WNK3: variants seen among roughly 807,000 people sequenced by gnomAD.
WNK3 encodes the protein serine/threonine-protein kinase WNK3.
WNK3 carries 18 observed loss-of-function variants against 116.7 expected under a neutral mutation model. The ratio of observed to expected loss-of-function variants is 0.15; its 90% CI spans 0.11 to 0.23. The LOEUF (loss-of-function observed/expected upper bound fraction) is 0.23. WNK3 is among the 10% of genes least tolerant of loss of function. The pLI is 1.00. For missense variants in WNK3, 993 were observed against 1,323.8 expected, an observed-to-expected ratio of 0.75 and a Z score of 3.88; for synonymous variants, 404 against 469.4, an observed-to-expected ratio of 0.86 and a Z score of 1.80.
chrX:54,239,312 C>G (rs1257860269), intron 17 of WNK3, among the ~76,000 whole-genome samples: 2 of 110,001 alleles, frequency 1.8e-5, no homozygotes, highest in Non-Finnish European at 3.8e-5. Context: ...ACCCAAAGTA[C>G]TCAATTTATA....
chrX:54,310,990 A>T, intron 3 of WNK3, 129 bp downstream of exon 3: 1 of 453,711 alleles, frequency 2.2e-6, no homozygotes, highest in Non-Finnish European at 3.7e-6. Context: ...TGCTGGGATT[A>T]CAGGTGTAGC....
At position 54,350,189 on chromosome X, in the gene WNK3, C is replaced by T. The variant is rs190734347; in HGVS notation, c.-120+7497G>A. Among the ~76,000 whole-genome samples, 40 of 111,363 alleles carry T rather than the reference C, an allele frequency of 3.6e-4. No individual in the cohort carries two copies. The East Asian group carries it at 9.9e-3, about 28-fold the overall frequency. ...CTTTGGGAGGCTGAGGCAGGCTGAT[C>T]ACGAGGTCAGGAGATCAAGACCATC... On this transcript the variant is annotated intron_variant, in intron 1 of 23. Transcript: ENST00000354646.
chrX:54,226,797 G>A (rs1569535979), intron 22 of WNK3, among the ~76,000 whole-genome samples: 1 of 111,514 alleles, frequency 9.0e-6, no homozygotes, highest in Non-Finnish European at 1.9e-5. Flanking sequence ...CCGAGATCGC[G>A]CCACTGCACT....
chrX:54,250,483 T>C (rs1431983317), intron 15 of WNK3, among the ~76,000 whole-genome samples: 1 of 112,210 alleles, frequency 8.9e-6, no homozygotes, highest in East Asian at 2.8e-4. Flanking sequence ...TCTATACATG[T>C]ATTAAAATTT....
intron 10 of WNK3, among the ~76,000 whole-genome samples, chrX:54,263,147 G>C (rs782123930): frequency 9.1e-6 from 1 of 110,493 alleles, no homozygotes; most frequent in Non-Finnish European, 1.9e-5. Context: ...GCCCCAGAAG[G>C]GGAGATGGGA....
intron 20 of WNK3, among the ~76,000 whole-genome samples, chrX:54,235,344 GGT>G (rs1557149883): frequency 1.4e-4 from 16 of 112,054 alleles, no homozygotes; most frequent in Middle Eastern, 4.7e-3. Flanking sequence ...GGAGTGCAGT[GGT>G]GCGATCTCGA....
At chrX:54,329,108 T>C (rs1557173865) in intron 2 of WNK3, among the ~76,000 whole-genome samples, 1 of 111,996 alleles carries the variant, frequency 8.9e-6, no homozygotes, top group African/African-American at 3.2e-5. Flanking sequence ...TTCAGCTAGC[T>C]TTTGGGTTTG....
At position 54,219,706 on chromosome X, in the gene WNK3, G is replaced by A. The variant is rs782632910; in HGVS notation, c.4870+9008C>T. Reference sequence around the variant, plus strand: ...AAAAAAAAAAAAAAAAAAAAGGAAGGAGATCCACACATAACACTGTGCTAT... The same window carrying A: ...AAAAAAAAAAAAAAAAAAAAGGAAGAAGATCCACACATAACACTGTGCTAT... On this transcript the variant is annotated intron_variant, in intron 22 of 23. Coordinates refer to ENST00000354646, the Ensembl canonical transcript of WNK3. Among the ~76,000 whole-genome samples, 508 of 101,387 alleles carry A rather than the reference G, an allele frequency of 5.0e-3. 1 individual carries two copies. The highest frequency in any genetic ancestry group is 7.8e-3 in the Non-Finnish European group (394 of 50,392). 88.0% of individuals were successfully genotyped at this position (101,387 alleles called of 115,157 possible).
intron 10 of WNK3, among the ~76,000 whole-genome samples, chrX:54,286,035 A>G (rs2068576057): frequency 9.0e-6 from 1 of 111,399 alleles, no homozygotes; most frequent in Non-Finnish European, 1.9e-5. Context: ...TCATGCTACA[A>G]TTTTTTCCAA....
At chrX:54,193,443 A>C (rs2067417563) in exon 24 of WNK3, 1 of 111,666 alleles carries the variant, frequency 9.0e-6, no homozygotes. Context: ...TTTATTTTAT[A>C]CTGGCACATT....
chrX:54,223,116 A>T (rs2067790272), intron 22 of WNK3, among the ~76,000 whole-genome samples: 1 of 109,150 alleles, frequency 9.2e-6, no homozygotes, highest in Non-Finnish European at 1.9e-5. Flanking sequence ...AATGGAAATG[A>T]TTTAAATGCC....
rs186093906 is a variant in WNK3 at position 54,294,936 on chromosome X, C to T, written c.1399-89G>A. 1,154 of 849,511 alleles carry T rather than the reference C, an allele frequency of 1.4e-3. 6 individuals are homozygous for T. In the African/African-American group the frequency reaches 0.022, roughly 16 times the overall value. The allele number at this position is 849,511 out of a possible 1,213,427, so 70.0% of individuals were successfully genotyped here. On this transcript the variant is annotated intron_variant, in intron 7 of 23. Transcript: ENST00000354646. ...TTTTTGAGACAGAGTCTAGCTCTGT[C>T]GCCCAGGCTGGAGTGCAGTGGCATG... is the stretch of plus-strand genomic sequence containing the variant.
chrX:54,200,380 A>G (rs987356251), intron 23 of WNK3, among the ~76,000 whole-genome samples: 28 of 111,458 alleles, frequency 2.5e-4, no homozygotes, highest in African/African-American at 8.5e-4. Flanking sequence ...ACAATGTAAG[A>G]GCATTAGTGA....
intron 23 of WNK3, among the ~76,000 whole-genome samples, 190 bp downstream of exon 23, chrX:54,201,801 C>T (rs1436681819): frequency 9.0e-6 from 1 of 111,640 alleles, no homozygotes; most frequent in Non-Finnish European, 1.9e-5. Context: ...TCCTTCCCCC[C>T]AAAAGTTTAC....
intron 17 of WNK3, among the ~76,000 whole-genome samples, chrX:54,244,719 C>T (rs1557152358): frequency 8.9e-6 from 1 of 111,928 alleles, no homozygotes; most frequent in Non-Finnish European, 1.9e-5. Flanking sequence ...TGCTGATTTA[C>T]TGAGCAAAAT....
chrX:54,227,438 T>C (rs1448401577), intron 22 of WNK3, among the ~76,000 whole-genome samples: 1 of 112,210 alleles, frequency 8.9e-6, no homozygotes, highest in Admixed American at 9.5e-5. Flanking sequence ...TTTTGAATCT[T>C]TTATTGTTGA....
intron 1 of WNK3, among the ~76,000 whole-genome samples, chrX:54,346,605 CAAAA>C (rs57558276): frequency 2.1e-4 from 10 of 47,352 alleles, no homozygotes; most frequent in African/African-American, 4.1e-4. Flanking sequence ...GACTCTGTCT[CAAAA>C]AAAAAAAAAA....
intron 22 of WNK3, chrX:54,223,594 A>C (rs1353465708): frequency 8.8e-6 from 1 of 113,547 alleles, no homozygotes; most frequent in Non-Finnish European, 1.9e-5. Flanking sequence ...TTGGACTGCC[A>C]AATAGCTACA....
At chrX:54,335,920 T>A (rs1189131930) in intron 1 of WNK3, among the ~76,000 whole-genome samples, 3 of 112,161 alleles carry the variant, frequency 2.7e-5, no homozygotes, top group African/African-American at 9.7e-5. Context: ...GGTTCTGGCA[T>A]AAGAATAGAT....
Sources: gnomAD v4.1 joint callset for allele counts (sites outside exome capture counted in the v4.1 genomes callset) on GRCh38, gnomAD v4.1.1 for gene constraint, MANE v1.5 for transcripts, NCBI Gene and HGNC (gene_info 2026-07-23, HGNC 2026-07-21) for gene names.